The following RIMS1 variants were observed in gnomAD, a reference collection of about 807,000 sequenced individuals.
The protein encoded by RIMS1 is regulating synaptic membrane exocytosis 1.
A neutral mutation model predicts 214.1 loss-of-function variants in RIMS1; 83 were observed. The ratio of observed to expected loss-of-function variants is 0.39; its 90% CI spans 0.32 to 0.47. RIMS1 has a LOEUF of 0.47. RIMS1 is among the 20% of genes least tolerant of loss of function. The pLI, the probability that RIMS1 is intolerant of heterozygous loss-of-function variation, is 0.99. For missense variants in RIMS1, 2,050 were observed against 2,161.8 expected (o/e 0.95, Z 1.03); for synonymous variants, 793 against 786.8 (o/e 1.01, Z -0.13).
chr6:72,316,614 GAGCAACC>G, intron 28 of RIMS1: 1 of 459,302 alleles, frequency 2.2e-6, no homozygotes, highest in Non-Finnish European at 4.2e-6. Flanking sequence ...TGCACCAAGA[GAGCAACC>G]AGCCTGGAGC....
At chr6:72,065,511 T>C (rs533033844) in intron 2 of RIMS1, among the ~76,000 whole-genome samples, 9 of 152,122 alleles carry the variant, frequency 5.9e-5, no homozygotes, top group African/African-American at 2.2e-4. Context: ...TGTTTGTTCC[T>C]CTCCGAGGAA....
chr6:72,304,529 A>C (rs1036823571), intron 26 of RIMS1, among the ~76,000 whole-genome samples: 1 of 151,812 alleles, frequency 6.6e-6, no homozygotes, highest in Non-Finnish European at 1.5e-5. Flanking sequence ...CTTATTTTAT[A>C]AATTTGTCTT....
At chr6:72,021,419 C>A (rs908599252) in intron 2 of RIMS1, among the ~76,000 whole-genome samples, 1 of 152,158 alleles carries the variant, frequency 6.6e-6, no homozygotes, top group East Asian at 1.9e-4. Flanking sequence ...ACTCTTTAAA[C>A]ATTTATCAGA....
At chr6:72,095,447 G>T (rs188245975) in intron 2 of RIMS1, among the ~76,000 whole-genome samples, 183 of 152,254 alleles carry the variant, frequency 1.2e-3, no homozygotes, top group Non-Finnish European at 1.8e-3. Flanking sequence ...AGATATTCTT[G>T]CATTCATTAA....
chr6:72,076,549 G>C (rs943114748), intron 2 of RIMS1, among the ~76,000 whole-genome samples: 15 of 152,148 alleles, frequency 9.9e-5, no homozygotes, highest in Non-Finnish European at 2.1e-4. Flanking sequence ...GAGGGGTAGG[G>C]TTTTAATATT....
chr6:72,395,991 T>G (rs965935569), intron 31 of RIMS1, among the ~76,000 whole-genome samples: 4 of 151,720 alleles, frequency 2.6e-5, no homozygotes, highest in African/African-American at 4.8e-5. Context: ...AAAATAAATA[T>G]AGTCATACTT....
rs1016857169 is a variant in RIMS1 at position 71,907,935 on chromosome 6, C to T, written c.164+20748C>T. On this transcript the variant is annotated intron_variant, in intron 1 of 33. Transcript: ENST00000521978. ...ATGACTTAAAAAGGATTTGGGTAAC[C>T]CTGAGAATTAGTCCTTAATTGTTTT... 2.0e-5 allele frequency among the ~76,000 whole-genome samples: 3 copies of T among 152,034 alleles called. No individual in the cohort carries two copies. The South Asian group carries it at 6.2e-4, about 32-fold the overall frequency.
chr6:72,366,353 A>G (rs1030242231), intron 29 of RIMS1, among the ~76,000 whole-genome samples: 9 of 152,232 alleles, frequency 5.9e-5, no homozygotes, highest in Non-Finnish European at 1.0e-4. Flanking sequence ...CTTTTAAACA[A>G]ACTTATCCTG....
chr6:72,084,966 G>T (rs1834280553), intron 2 of RIMS1, among the ~76,000 whole-genome samples: 1 of 152,070 alleles, frequency 6.6e-6, no homozygotes. Context: ...ATCTGCAAAA[G>T]AGCAGAAATT....
intron 4 of RIMS1, among the ~76,000 whole-genome samples, chr6:72,119,693 G>C (rs546271553): frequency 2.0e-5 from 3 of 151,746 alleles, no homozygotes; most frequent in Non-Finnish European, 4.4e-5. Context: ...TAGGGTACAT[G>C]TGCACAATGT....
chr6:72,164,677 A>G (rs2046010251), intron 4 of RIMS1, among the ~76,000 whole-genome samples: 3 of 152,204 alleles, frequency 2.0e-5, no homozygotes, highest in African/African-American at 7.2e-5. Context: ...TCCAGCTGCT[A>G]TAACAATATA....
chr6:71,957,938 A>C (rs2151211020), intron 1 of RIMS1, among the ~76,000 whole-genome samples: 1 of 152,236 alleles, frequency 6.6e-6, no homozygotes, highest in African/African-American at 2.4e-5. Flanking sequence ...AAAATGGTTT[A>C]GTAATAAAAT....
intron 2 of RIMS1, among the ~76,000 whole-genome samples, chr6:71,981,174 T>C (rs1405663874): frequency 6.6e-6 from 1 of 152,162 alleles, no homozygotes. Context: ...CTATCAACTC[T>C]GGTAACAATA....
intron 2 of RIMS1, among the ~76,000 whole-genome samples, chr6:71,970,195 TA>T (rs1795509721): frequency 6.6e-6 from 1 of 152,188 alleles, no homozygotes; most frequent in African/African-American, 2.4e-5. Context: ...TTAGCAATAG[TA>T]AAAATGATTG....
At chr6:71,919,688 G>A (rs752946102) in intron 1 of RIMS1, among the ~76,000 whole-genome samples, 32 of 152,146 alleles carry the variant, frequency 2.1e-4, no homozygotes, top group Non-Finnish European at 3.2e-4. Context: ...ATGACGTGGA[G>A]TAGCCAGAGA....
At chr6:71,896,764 T>G (rs1361227694) in intron 1 of RIMS1, among the ~76,000 whole-genome samples, 1 of 152,196 alleles carries the variant, frequency 6.6e-6, no homozygotes, top group Non-Finnish European at 1.5e-5. Context: ...CATATCCTTT[T>G]GATTTGCCTT....
At chr6:72,276,498 A>G (rs2086498351) in intron 23 of RIMS1, among the ~76,000 whole-genome samples, 1 of 152,082 alleles carries the variant, frequency 6.6e-6, no homozygotes, top group African/African-American at 2.4e-5. Context: ...AGTATATGTA[A>G]CTATAAGAGT....
intron 24 of RIMS1, among the ~76,000 whole-genome samples, chr6:72,284,324 G>C (rs2091506339): frequency 6.6e-6 from 1 of 151,980 alleles, no homozygotes; most frequent in Non-Finnish European, 1.5e-5. Context: ...AAATCTTAGG[G>C]TTTAAAAAAT....
chr6:71,984,488 G>A (rs1334227841), intron 2 of RIMS1, among the ~76,000 whole-genome samples: 1 of 151,976 alleles, frequency 6.6e-6, no homozygotes, highest in East Asian at 1.9e-4. Flanking sequence ...TTTTTATCTG[G>A]CAATTTATAA....
Sources: gnomAD v4.1 joint callset for allele counts (sites outside exome capture counted in the v4.1 genomes callset) on GRCh38, gnomAD v4.1.1 for gene constraint, MANE v1.5 for transcripts, NCBI Gene and HGNC (gene_info 2026-07-23, HGNC 2026-07-21) for gene names.